The following XYLB variants were observed in gnomAD, a reference collection of about 807,000 sequenced individuals.
XYLB encodes the protein xylulokinase.
XYLB carries 62 observed loss-of-function variants against 78.7 expected under a neutral mutation model. That is an observed-to-expected ratio of 0.79 (90% CI 0.64 to 0.97). The LOEUF (loss-of-function observed/expected upper bound fraction) is 0.97. XYLB is among the 50% of genes least tolerant of loss of function. The pLI is 0.00. For missense variants in XYLB, 687 were observed against 676.8 expected (o/e 1.02, Z -0.17); for synonymous variants, 245 against 247.4 (o/e 0.99, Z 0.09).
chr3:38,433,686 T>C, the XYLB span, among the ~76,000 whole-genome samples: 3 of 152,348 alleles, frequency 2.0e-5, no homozygotes, highest in Non-Finnish European at 4.4e-5. Flanking sequence ...CATCTCCATC[T>C]GAAACAACCT....
chr3:38,388,176 T>TTG (rs56037172), intron 15 of XYLB, among the ~76,000 whole-genome samples: 55,123 of 140,946 alleles, frequency 0.39, 11,564 homozygotes, highest in East Asian at 0.51. Context: ...TTTGTTTTTT[T>TTG]TTTTTTTTTT....
the XYLB span, among the ~76,000 whole-genome samples, chr3:38,437,012 AAT>A: frequency 8.3e-6 from 1 of 120,706 alleles, no homozygotes; most frequent in Non-Finnish European, 1.8e-5. Context: ...TAAAAATAAT[AAT>A]AATAATAATA....
chr3:38,420,070 A>T (rs936844551), exon 18 of XYLB, among the ~76,000 whole-genome samples: 1 of 152,146 alleles, frequency 6.6e-6, no homozygotes, highest in Non-Finnish European at 1.5e-5. Flanking sequence ...CACCCGCCTC[A>T]GCCTCCCAAA....
chr3:38,394,263 T>C (rs1707781984), intron 15 of XYLB, among the ~76,000 whole-genome samples: 1 of 152,218 alleles, frequency 6.6e-6, no homozygotes, highest in South Asian at 2.1e-4. Context: ...GGTATTCCCT[T>C]ACATGTAAGT....
At chr3:38,360,984 G>T (rs749102990) in intron 3 of XYLB, among the ~76,000 whole-genome samples, 5 of 152,098 alleles carry the variant, frequency 3.3e-5, no homozygotes, top group Non-Finnish European at 7.4e-5. Flanking sequence ...GCAGTGAGCT[G>T]AGACTGCACC....
Position 38,362,995 on chromosome 3 carries a change from T to A in XYLB, c.269T>A (p.Leu90Gln). 1 of 1,572,576 alleles carries A rather than the reference T, an allele frequency of 6.4e-7. No homozygotes were observed. The highest frequency in any genetic ancestry group is 8.6e-7 in the Non-Finnish European group (1 of 1,157,894). Residue 90 changes from leucine to glutamine, a missense_variant, in exon 4 of 19, where the codon CTA becomes CAA. By Grantham distance (113) the Leu-to-Gln change is moderately radical. Transcript: ENST00000207870. ...TCGGGCTTCGACTTCTCTCAAGTCC[T>A]AGCCTTGTCCGGGGCGGGCCAGGTT... ...KASGFDFSQV[L>Q]ALSGAGQQHG...
the XYLB span, chr3:38,451,375 C>T: frequency 0.084 from 12,801 of 152,222 alleles, 665 homozygotes; most frequent in Middle Eastern, 0.18. Context: ...ATAATCCCAG[C>T]ACTTTGGGAG....
chr3:38,441,291 G>T, the XYLB span, among the ~76,000 whole-genome samples: 1 of 152,088 alleles, frequency 6.6e-6, no homozygotes, highest in Admixed American at 6.5e-5. Context: ...CAGTTCTAAG[G>T]CTCACGTAAG....
chr3:38,362,880 T>C (rs1467614390), intron 3 of XYLB, 57 bp from the exon 4 acceptor site: 3 of 1,390,314 alleles, frequency 2.2e-6, no homozygotes, highest in Non-Finnish European at 2.9e-6. Flanking sequence ...TTCTGAGGCT[T>C]GCGTGTCTGA....
intron 4 of XYLB, among the ~76,000 whole-genome samples, chr3:38,364,530 C>A (rs1162023422): frequency 1.5e-5 from 2 of 136,858 alleles, no homozygotes; most frequent in Non-Finnish European, 3.2e-5. Flanking sequence ...CACCCACCCC[C>A]GACCCAGCCT....
chr3:38,368,508 G>T (rs1706379750), intron 8 of XYLB, among the ~76,000 whole-genome samples: 2 of 152,212 alleles, frequency 1.3e-5, no homozygotes, highest in Non-Finnish European at 1.5e-5. Context: ...GCTTAGCTTG[G>T]AGGTACTGGT....
intron 4 of XYLB, among the ~76,000 whole-genome samples, chr3:38,364,516 C>T (rs538873779): frequency 1.1e-3 from 172 of 150,652 alleles, no homozygotes; most frequent in Non-Finnish European, 1.8e-3. Flanking sequence ...TCTCTTCAGC[C>T]CATCACCCAC....
At chr3:38,348,691 A>C (rs1559566409) in intron 2 of XYLB, 59 bp downstream of exon 2, 1 of 1,522,650 alleles carries the variant, frequency 6.6e-7, no homozygotes, top group East Asian at 2.3e-5. Context: ...GTCCTCCCGC[A>C]AACTTTTGTA....
At chr3:38,409,663 A>C (rs1040517636) in intron 18 of XYLB, among the ~76,000 whole-genome samples, 6 of 152,172 alleles carry the variant, frequency 3.9e-5, no homozygotes, top group African/African-American at 1.2e-4. Flanking sequence ...AAAATCTCCT[A>C]AAGCTGATAA....
chr3:38,389,555 G>A (rs1200208144), intron 15 of XYLB, among the ~76,000 whole-genome samples: 11 of 150,128 alleles, frequency 7.3e-5, no homozygotes, highest in Non-Finnish European at 1.5e-4. Flanking sequence ...CCTCCCAGAC[G>A]GGGCGGCTGG....
rs1040761864 is a variant in XYLB at position 38,406,258 on chromosome 3, C to G, written c.1533+5273C>G. 4.6e-5 allele frequency among the ~76,000 whole-genome samples: 7 copies of G among 152,238 alleles called. No individual in the cohort carries two copies. The South Asian group carries it at 1.4e-3, about 31-fold the overall frequency. On this transcript the variant is annotated intron_variant, in intron 18 of 18. Coordinates refer to ENST00000207870, the MANE Select transcript of XYLB (RefSeq NM_005108.4). ...ATCTGCTGTTCTGCAGCCACCACTG[C>G]TGATACCCAGGCAAACAGGGTCTGG...
the XYLB span, among the ~76,000 whole-genome samples, chr3:38,442,447 T>A: frequency 6.6e-6 from 1 of 152,134 alleles, no homozygotes; most frequent in African/African-American, 2.4e-5. Context: ...GGCAAGACCG[T>A]CCACATAAGT....
At chr3:38,380,919 A>G (rs945600155) in intron 15 of XYLB, among the ~76,000 whole-genome samples, 3 of 152,234 alleles carry the variant, frequency 2.0e-5, no homozygotes, top group Admixed American at 6.5e-5. Flanking sequence ...ACTGAGCAAA[A>G]GAGGCCAAAC....
chr3:38,368,408 C>A, intron 8 of XYLB, 151 bp downstream of exon 8: 1 of 692,576 alleles, frequency 1.4e-6, no homozygotes, highest in Non-Finnish European at 2.5e-6. Context: ...TTATCTTTTA[C>A]CACATAACAA....
Sources: gnomAD v4.1 joint callset for allele counts (sites outside exome capture counted in the v4.1 genomes callset) on GRCh38, gnomAD v4.1.1 for gene constraint, MANE v1.5 for transcripts, NCBI Gene and HGNC (gene_info 2026-07-23, HGNC 2026-07-21) for gene names.